Variants in NWD2 observed in about 807,000 individuals in gnomAD.
The protein encoded by NWD2 is NACHT and WD repeat domain-containing protein 2.
Under a neutral mutation model 132.7 loss-of-function variants are expected in NWD2, and 37 were observed. The observed-to-expected ratio is 0.28, with a 90% CI of 0.21 to 0.37. The LOEUF (loss-of-function observed/expected upper bound fraction) is 0.37. Ranked by LOEUF, NWD2 falls within the 10% of genes least tolerant of loss-of-function variation. NWD2 has a pLI of 1.00. For missense variants in NWD2, 1,592 were observed against 2,122.4 expected, an observed-to-expected ratio of 0.75 and a Z score of 4.91; for synonymous variants, 705 against 803.0, an observed-to-expected ratio of 0.88 and a Z score of 2.06.
chr4:37,308,601 A>T (rs1248860384), intron 1 of NWD2, among the ~76,000 whole-genome samples: 1 of 152,022 alleles, frequency 6.6e-6, no homozygotes, highest in East Asian at 1.9e-4. Flanking sequence ...TCCCAGCTGG[A>T]GAGTGTGGTT....
At position 37,322,720 on chromosome 4, in the gene NWD2, A is replaced by T. The variant is rs75887403; in HGVS notation, c.152-3216A>T. Among the ~76,000 whole-genome samples, 481 of 152,278 alleles carry T rather than the reference A, an allele frequency of 3.2e-3. 14 individuals carry two copies. In the East Asian group the frequency reaches 0.079, roughly 25 times the overall value. ...ATGAAAACAGGGAGATGGAATCTGGATGAGAGGTGAGTATGGCTTGCATCT... is the reference window on the plus strand; with the variant it reads ...ATGAAAACAGGGAGATGGAATCTGGTTGAGAGGTGAGTATGGCTTGCATCT... On this transcript the variant is annotated intron_variant, in intron 1 of 6. Coordinates refer to ENST00000309447, the MANE Select transcript of NWD2 (RefSeq NM_001144990.2).
At chr4:37,410,792 T>A (rs1458859166) in intron 3 of NWD2, among the ~76,000 whole-genome samples, 6 of 152,124 alleles carry the variant, frequency 3.9e-5, no homozygotes, top group African/African-American at 1.4e-4. Context: ...CATAACAAAC[T>A]GTCTCTCAGA....
intron 3 of NWD2, among the ~76,000 whole-genome samples, chr4:37,402,055 C>T (rs78027075): frequency 0.051 from 7,820 of 152,154 alleles, 310 homozygotes; most frequent in African/African-American, 0.11. Context: ...GGAGTGAATT[C>T]GTTATTTCAG....
At chr4:37,361,082 G>A (rs1560404060) in intron 3 of NWD2, among the ~76,000 whole-genome samples, 3 of 152,080 alleles carry the variant, frequency 2.0e-5, no homozygotes, top group Non-Finnish European at 4.4e-5. Flanking sequence ...AAATCTAGAG[G>A]AAATGGAAAA....
chr4:37,396,235 G>A (rs76144095), intron 3 of NWD2, among the ~76,000 whole-genome samples: 5,444 of 152,236 alleles, frequency 0.036, 109 homozygotes, highest in Middle Eastern at 0.068. Flanking sequence ...TTATCCGATT[G>A]TCTTCTTAGG....
intron 1 of NWD2, among the ~76,000 whole-genome samples, chr4:37,259,182 T>A (rs1283473750): frequency 6.6e-6 from 1 of 152,234 alleles, no homozygotes; most frequent in Non-Finnish European, 1.5e-5. Context: ...GGGCAGGTTC[T>A]AGAACCCTGA....
chr4:37,268,649 C>T (rs562984495), intron 1 of NWD2, among the ~76,000 whole-genome samples: 15 of 151,750 alleles, frequency 9.9e-5, no homozygotes, highest in South Asian at 8.3e-4. Flanking sequence ...CATTGGCATT[C>T]GTGATGTATT....
At chr4:37,430,255 A>G (rs148973249) in intron 3 of NWD2, among the ~76,000 whole-genome samples, 2 of 152,318 alleles carry the variant, frequency 1.3e-5, no homozygotes, top group East Asian at 3.9e-4. Flanking sequence ...TTTGATATGA[A>G]CAAACAAATC....
intron 1 of NWD2, among the ~76,000 whole-genome samples, chr4:37,294,404 GT>G (rs1718435918): frequency 6.6e-6 from 1 of 152,082 alleles, no homozygotes. Flanking sequence ...CCCCACCCAT[GT>G]TCTCATTTCC....
At chr4:37,276,905 C>G (rs909135829) in intron 1 of NWD2, among the ~76,000 whole-genome samples, 1 of 151,666 alleles carries the variant, frequency 6.6e-6, no homozygotes, top group Admixed American at 6.6e-5. Context: ...AACACCACAT[C>G]TTCTCACTCA....
In NWD2 at chr4:37,245,092, A is replaced by G. The variant is rs2109252322; in HGVS notation, c.25A>G (p.Lys9Glu). MWPAGAGT[K>E]LPCPRDSALR... ...GATGTGGCCGGCCGGCGCGGGCACC[A>G]AGCTGCCCTGTCCCCGAGACTCTGC... is the stretch of plus-strand genomic sequence containing the variant. Residue 9 changes from lysine to glutamate, a missense_variant, in exon 1 of 7, where the codon AAG (lysine) becomes GAG (glutamate). Around this residue, in one of 7 missense-constraint regions of NWD2, gnomAD observed 88 missense variants for 92.8 expected, o/e 0.95. Coordinates refer to ENST00000309447, the MANE Select transcript of NWD2 (RefSeq NM_001144990.2). The G allele has an allele frequency of 3.9e-6, 6 of 1,546,482 alleles. No homozygotes were observed. The highest frequency in any genetic ancestry group is 5.2e-6 in the Non-Finnish European group (6 of 1,146,476).
chr4:37,382,600 C>T (rs1720475045), intron 3 of NWD2, among the ~76,000 whole-genome samples: 1 of 152,136 alleles, frequency 6.6e-6, no homozygotes, highest in Non-Finnish European at 1.5e-5. Flanking sequence ...TTCTAGCCTC[C>T]CAATGCTGCA....
chr4:37,426,995 C>G (rs1433987709), intron 3 of NWD2, among the ~76,000 whole-genome samples: 2 of 151,794 alleles, frequency 1.3e-5, no homozygotes, highest in Admixed American at 1.3e-4. Context: ...TTTTCCTCTT[C>G]CCTGCTTCAT....
intron 1 of NWD2, among the ~76,000 whole-genome samples, chr4:37,247,189 G>C (rs35870167): frequency 6.6e-6 from 1 of 152,072 alleles, no homozygotes; most frequent in Non-Finnish European, 1.5e-5. Context: ...ATTGGAGAGC[G>C]GATGGCATAT....
chr4:37,299,657 A>G (rs1718570625), intron 1 of NWD2, among the ~76,000 whole-genome samples: 1 of 152,072 alleles, frequency 6.6e-6, no homozygotes, highest in Non-Finnish European at 1.5e-5. Context: ...TGCAGGGTGG[A>G]GCCTCTGTAA....
intron 6 of NWD2, among the ~76,000 whole-genome samples, chr4:37,440,595 AG>A (rs1712454438): frequency 6.6e-6 from 1 of 152,070 alleles, no homozygotes. Flanking sequence ...CCTTCTAGGG[AG>A]GGGGAGGTGA....
intron 1 of NWD2, among the ~76,000 whole-genome samples, chr4:37,304,899 G>A (rs958651573): frequency 6.6e-6 from 1 of 152,198 alleles, no homozygotes; most frequent in East Asian, 1.9e-4. Context: ...GCCCCGGCAC[G>A]GACAGTGTGC....
intron 1 of NWD2, among the ~76,000 whole-genome samples, chr4:37,323,372 AACAG>A (rs375953727): frequency 3.7e-4 from 57 of 152,326 alleles, no homozygotes; most frequent in African/African-American, 1.0e-3. Context: ...CCCCATTACA[AACAG>A]ACAAAGACAT....
At chr4:37,405,403 C>A (rs530539940) in intron 3 of NWD2, among the ~76,000 whole-genome samples, 1 of 149,056 alleles carries the variant, frequency 6.7e-6, no homozygotes, top group African/African-American at 2.5e-5. Flanking sequence ...TTGCCATCAG[C>A]AATTTTTTAG....
Sources: gnomAD v4.1 joint callset for allele counts (sites outside exome capture counted in the v4.1 genomes callset) on GRCh38, gnomAD v4.1.1 for gene constraint, gnomAD v4.1.1 regional missense constraint, MANE v1.5 for transcripts, NCBI Gene and HGNC (gene_info 2026-07-23, HGNC 2026-07-21) for gene names.